Variants in MALRD1 observed in about 807,000 individuals in gnomAD.
MALRD1 encodes MAM and LDL-receptor class A domain-containing protein 1.
MALRD1 carries 247 observed loss-of-function variants against 242.1 expected under a neutral mutation model. The ratio of observed to expected loss-of-function variants is 1.02; its 90% confidence interval spans 0.92 to 1.13. The LOEUF (loss-of-function observed/expected upper bound fraction) is 1.13, where lower values mean the gene tolerates loss of function less well. MALRD1 is among the 50% of genes most tolerant of loss of function. The probability of loss-of-function intolerance (pLI) is 0.00; values close to 1 mark genes in which losing one functional copy is unlikely to be tolerated. For missense variants in MALRD1, 2,989 were observed against 2,533.1 expected (o/e 1.18, Z -3.86); for synonymous variants, 995 against 866.6 (o/e 1.15, Z -2.60).
At chr10:19,590,366 G>A (rs11010601) in intron 33 of MALRD1, among the ~76,000 whole-genome samples, 73,586 of 146,908 alleles carry the variant, frequency 0.5, 18,407 homozygotes, top group Non-Finnish European at 0.52. Context: ...ATATGTATAT[G>A]TCTATATACA....
intron 21 of MALRD1, among the ~76,000 whole-genome samples, chr10:19,316,065 C>T (rs1386039985): frequency 6.6e-6 from 1 of 150,546 alleles, no homozygotes; most frequent in South Asian, 2.1e-4. Context: ...CTATTAAACT[C>T]CTTAGTAAAT....
chr10:19,210,985 A>T (rs1837026484), intron 18 of MALRD1, among the ~76,000 whole-genome samples: 1 of 152,228 alleles, frequency 6.6e-6, no homozygotes, highest in East Asian at 1.9e-4. Flanking sequence ...AGATACATGT[A>T]ATCATATGGA....
At chr10:19,484,059 A>G (rs1837135487) in intron 29 of MALRD1, among the ~76,000 whole-genome samples, 1 of 152,178 alleles carries the variant, frequency 6.6e-6, no homozygotes, top group Non-Finnish European at 1.5e-5. Flanking sequence ...ACTTAACATG[A>G]GGCCTAAACC....
chr10:19,719,215 C>CACATATATATATATATATATAT, intron 38 of MALRD1, among the ~76,000 whole-genome samples: 1 of 84,288 alleles, frequency 1.2e-5, no homozygotes, highest in African/African-American at 5.1e-5. Context: ...TATATATACA[C>CACATATATATATATATATATAT]ATACATACAT....
chr10:19,365,920 C>T (rs990299858), intron 26 of MALRD1, among the ~76,000 whole-genome samples: 1 of 151,972 alleles, frequency 6.6e-6, no homozygotes, highest in Non-Finnish European at 1.5e-5. Flanking sequence ...TCAGAGGCAA[C>T]CAGTATTTTG....
chr10:19,070,699 A>G (rs2358280), intron 2 of MALRD1, among the ~76,000 whole-genome samples: 80,782 of 151,522 alleles, frequency 0.53, 21,636 homozygotes, highest in Middle Eastern at 0.6. Context: ...ATGTTGTCCT[A>G]GTTCTTTGTC....
Position 19,146,343 on chromosome 10 carries a change from T to C in MALRD1, c.1557T>C (p.His519=). 1 of 1,231,194 alleles carries C rather than the reference T, an allele frequency of 8.1e-7. No individual in the cohort carries two copies. Among genetic ancestry groups the C allele is most frequent in the Non-Finnish European group, 1.0e-6 (1 of 987,626 alleles). 76.3% of individuals were successfully genotyped at this position (1,231,194 alleles called of 1,614,324 possible). A position where few individuals can be genotyped will look rare whatever the true frequency, so the allele number is the denominator to read the frequency against. ...CTGATCACACAGCAAACATAAATCA[T>C]GGTAGGACATTTTCCTCTTTAAAAA... ...PAADHTANIN[H]GSFIYLEAQR... Residue 519 remains histidine, a splice_region_variant and synonymous_variant, in exon 11 of 40, where the codon CAT becomes CAC. Coordinates refer to ENST00000454679, the MANE Select transcript of MALRD1 (RefSeq NM_001142308.3).
intron 21 of MALRD1, among the ~76,000 whole-genome samples, chr10:19,292,258 A>G (rs981229440): frequency 2.6e-5 from 4 of 151,972 alleles, no homozygotes; most frequent in African/African-American, 9.7e-5. Context: ...TCGTTTTTGC[A>G]TACATGATCT....
At chr10:19,315,630 T>G (rs1437964889) in intron 21 of MALRD1, among the ~76,000 whole-genome samples, 10 of 117,708 alleles carry the variant, frequency 8.5e-5, no homozygotes, top group Admixed American at 3.7e-4. Context: ...AAATTATAAA[T>G]ATTATTTATA....
intron 18 of MALRD1, among the ~76,000 whole-genome samples, chr10:19,234,636 A>AC (rs1417295238): frequency 6.6e-6 from 1 of 151,856 alleles, no homozygotes; most frequent in Non-Finnish European, 1.5e-5. Context: ...TATCTTTAAA[A>AC]AAAAAGCGCT....
chr10:19,546,444 G>A (rs952628677), intron 32 of MALRD1, among the ~76,000 whole-genome samples: 3 of 152,154 alleles, frequency 2.0e-5, no homozygotes, highest in Non-Finnish European at 4.4e-5. Context: ...CTGTGTCAGA[G>A]CTCCATTTCA....
intron 19 of MALRD1, among the ~76,000 whole-genome samples, chr10:19,270,876 A>G (rs1307484882): frequency 6.6e-6 from 1 of 151,762 alleles, no homozygotes; most frequent in African/African-American, 2.4e-5. Flanking sequence ...TCACTGCACC[A>G]GATTCTGCAG....
In MALRD1 at chr10:19,084,566, C is replaced by T. The variant is rs75823777; in HGVS notation, c.341-3274C>T. Among the ~76,000 whole-genome samples the T allele has an allele frequency of 6.6e-4, 100 of 151,890 alleles. 2 individuals are homozygous for T. In the East Asian group the frequency reaches 0.018, roughly 27 times the overall value. ...ATTCAGGTCCATTAATCTCTCAGAA[C>T]GTGGGAAATGGAGGAAGTACAAGGC... On this transcript the variant is annotated intron_variant, in intron 2 of 39. Coordinates refer to ENST00000454679, the MANE Select transcript of MALRD1 (RefSeq NM_001142308.3).
At chr10:19,521,380 C>G (rs368751820) in intron 31 of MALRD1, among the ~76,000 whole-genome samples, 57 of 152,154 alleles carry the variant, frequency 3.7e-4, no homozygotes, top group African/African-American at 1.3e-3. Context: ...ACAGTTCTCT[C>G]TGATCTTAAC....
At position 19,135,158 on chromosome 10, in the gene MALRD1, G is replaced by A. The variant is rs531563016; in HGVS notation, c.1203+1210G>A. On this transcript the variant is annotated intron_variant, in intron 9 of 39. Coordinates refer to ENST00000454679, the MANE Select transcript of MALRD1 (RefSeq NM_001142308.3). ...ATGAACAAACAAATATATATCCCTC[G>A]TATTTTGTTTGTTTGAAATGGAGTC... 1.1e-3 allele frequency among the ~76,000 whole-genome samples: 161 copies of A among 152,030 alleles called. 1 individual carries two copies. Among genetic ancestry groups the A allele is most frequent in the Middle Eastern group, 6.8e-3 (2 of 292 alleles).
intron 14 of MALRD1, among the ~76,000 whole-genome samples, chr10:19,182,832 T>G (rs1223223854): frequency 6.6e-6 from 1 of 152,154 alleles, no homozygotes; most frequent in Non-Finnish European, 1.5e-5. Flanking sequence ...AAATGGTCAC[T>G]TAGTAAATGC....
chr10:19,556,806 A>G (rs1376751313), intron 32 of MALRD1, among the ~76,000 whole-genome samples: 1 of 152,156 alleles, frequency 6.6e-6, no homozygotes, highest in East Asian at 1.9e-4. Context: ...ACATGGTAAG[A>G]GTATGTTCAG....
At chr10:19,173,798 T>C (rs1835108119) in intron 13 of MALRD1, among the ~76,000 whole-genome samples, 1 of 152,174 alleles carries the variant, frequency 6.6e-6, no homozygotes, top group Non-Finnish European at 1.5e-5. Context: ...GCAGAAATAA[T>C]GAAGTGTCTT....
intron 21 of MALRD1, among the ~76,000 whole-genome samples, chr10:19,289,578 C>G (rs139767936): frequency 9.9e-5 from 15 of 152,246 alleles, no homozygotes; most frequent in African/African-American, 3.6e-4. Context: ...TATCTCCTCT[C>G]CTTTTCTTCT....
Sources: gnomAD v4.1 joint callset for allele counts (sites outside exome capture counted in the v4.1 genomes callset) on GRCh38, gnomAD v4.1.1 for gene constraint, MANE v1.5 for transcripts, NCBI Gene and HGNC (gene_info 2026-07-23, HGNC 2026-07-21) for gene names.